The following SP4 variants were observed in gnomAD, a reference collection of about 807,000 sequenced individuals.
SP4 encodes Sp4 transcription factor.
Under a neutral mutation model 72.8 loss-of-function variants are expected in SP4, and 19 were observed. The ratio of observed to expected loss-of-function variants is 0.26; its 90% CI spans 0.18 to 0.38. The LOEUF is 0.38. Ranked by LOEUF, SP4 falls within the 10% of genes least tolerant of loss-of-function variation. The probability of loss-of-function intolerance (pLI) is 1.00; values close to 1 mark genes in which losing one functional copy is unlikely to be tolerated. For synonymous variants in SP4, 395 were observed against 333.1 expected, an observed-to-expected ratio of 1.19 and a Z score of -2.02; for missense variants, 1,008 against 926.3, an observed-to-expected ratio of 1.09 and a Z score of -1.14.
intron 3 of SP4, among the ~76,000 whole-genome samples, chr7:21,470,162 G>A (rs187575961): frequency 3.3e-5 from 5 of 152,254 alleles, no homozygotes; most frequent in African/African-American, 9.6e-5. Context: ...GCCGAGTTTC[G>A]TAAGAAAGCT....
chr7:21,502,040 A>ACCCCCCCCCCCCCCCC (rs55723306), intron 5 of SP4, among the ~76,000 whole-genome samples: 1 of 72,280 alleles, frequency 1.4e-5, no homozygotes, highest in African/African-American at 6.3e-5. Context: ...TTCATTAGGC[A>ACCCCCCCCCCCCCCCC]CCCCCCCCCC....
chr7:21,458,615 C>T (rs1415340866), intron 3 of SP4, among the ~76,000 whole-genome samples: 2 of 152,086 alleles, frequency 1.3e-5, no homozygotes, highest in Non-Finnish European at 2.9e-5. Flanking sequence ...CATTTGTGTC[C>T]AAGAAAATTA....
At chr7:21,442,986 T>G (rs1453784950) in intron 3 of SP4, among the ~76,000 whole-genome samples, 1 of 152,226 alleles carries the variant, frequency 6.6e-6, no homozygotes, top group Non-Finnish European at 1.5e-5. Context: ...TCCACCCACC[T>G]TGGCCTCCCA....
chr7:21,445,351 C>T (rs1783387876), intron 3 of SP4, among the ~76,000 whole-genome samples: 1 of 152,076 alleles, frequency 6.6e-6, no homozygotes, highest in Non-Finnish European at 1.5e-5. Context: ...AAGGAAATAA[C>T]ATTAAGAAAA....
chr7:21,428,631 C>A, intron 1 of SP4, 46 bp from the exon 2 acceptor site: 1 of 1,502,648 alleles, frequency 6.7e-7, no homozygotes, highest in Non-Finnish European at 9.0e-7. Flanking sequence ...AATAATAATC[C>A]TAATAACCTG....
At chr7:21,467,659 G>T (rs937099933) in intron 3 of SP4, among the ~76,000 whole-genome samples, 1 of 152,134 alleles carries the variant, frequency 6.6e-6, no homozygotes, top group South Asian at 2.1e-4. Context: ...TATTTGCAAT[G>T]TTAGGAGACA....
chr7:21,441,163 G>A (rs1783233515), intron 3 of SP4, among the ~76,000 whole-genome samples: 1 of 152,190 alleles, frequency 6.6e-6, no homozygotes, highest in South Asian at 2.1e-4. Context: ...TTTTTCTGGT[G>A]GAGATAGGAC....
intron 5 of SP4, among the ~76,000 whole-genome samples, chr7:21,494,953 C>T (rs1209501330): frequency 6.6e-6 from 1 of 152,058 alleles, no homozygotes; most frequent in Admixed American, 6.5e-5. Context: ...TCCAGAAATT[C>T]CCCTCCACAC....
Position 21,430,841 on chromosome 7 carries a change from C to T in SP4, c.1676C>T (p.Ala559Val). 1 of 1,601,940 alleles carries T rather than the reference C, an allele frequency of 6.2e-7. No homozygotes were observed. The highest frequency in any genetic ancestry group is 8.5e-7 in the Non-Finnish European group (1 of 1,171,802). Residue 559 changes from alanine (A) to valine (V), a missense_variant and splice_region_variant, in exon 3 of 6, where the codon GCA becomes GTA. By Grantham distance (64) the Ala-to-Val change is moderately conservative. Coordinates refer to ENST00000222584, the MANE Select transcript of SP4 (RefSeq NM_003112.5). ...GTTCCCGTTACAATCACTAGTGTTG[C>T]AGGTAAGTTCTGACATCTTTTTAAG... ...QGVPVTITSV[A>V]GQQQGQDGVK...
At chr7:21,485,112 C>T (rs1447240294) in intron 5 of SP4, among the ~76,000 whole-genome samples, 1 of 151,532 alleles carries the variant, frequency 6.6e-6, no homozygotes, top group African/African-American at 2.4e-5. Flanking sequence ...CAGAGTAACT[C>T]CTGTTTGTTA....
intron 3 of SP4, among the ~76,000 whole-genome samples, chr7:21,463,377 C>G (rs187653579): frequency 4.6e-5 from 7 of 152,166 alleles, no homozygotes; most frequent in Non-Finnish European, 1.0e-4. Context: ...ACAGTGATGG[C>G]TCAGGTAATG....
In SP4 at chr7:21,428,234, TTGTCC is replaced by T; in HGVS notation, c.-14_-10del. ...TATCCCAGTGTCTCCGTCTGAGGGT[TTGTCC>T]TGTTAATGCGGGATGAGCGGTACGT... On this transcript the variant is annotated 5_prime_UTR_variant, in exon 1 of 6. Coordinates refer to ENST00000222584, the MANE Select transcript of SP4 (RefSeq NM_003112.5). 8.0e-7 allele frequency: 1 copy of T among 1,252,748 alleles called. No individual in the cohort carries two copies. The highest frequency in any genetic ancestry group is 1.6e-5 in the African/African-American group (1 of 60,678). 77.6% of individuals were successfully genotyped at this position (1,252,748 alleles called of 1,614,324 possible).
chr7:21,463,300 A>G (rs1352323223), intron 3 of SP4, among the ~76,000 whole-genome samples: 1 of 152,172 alleles, frequency 6.6e-6, no homozygotes, highest in Non-Finnish European at 1.5e-5. Flanking sequence ...AGAGGGAAAA[A>G]AATTGGAACA....
chr7:21,495,093 C>T (rs1178747979), intron 5 of SP4, among the ~76,000 whole-genome samples: 1 of 152,154 alleles, frequency 6.6e-6, no homozygotes, highest in African/African-American at 2.4e-5. Context: ...CCAAGTGATT[C>T]AGAGACTTAA....
At chr7:21,463,172 A>C (rs1347721074) in intron 3 of SP4, among the ~76,000 whole-genome samples, 1 of 151,954 alleles carries the variant, frequency 6.6e-6, no homozygotes, top group East Asian at 1.9e-4. Context: ...AGAACCAGTC[A>C]GATGCTGATA....
At position 21,428,251 on chromosome 7, in the gene SP4, G is replaced by C; in HGVS notation, c.-1G>C. 1 of 1,527,154 alleles carries C rather than the reference G, an allele frequency of 6.5e-7. No homozygotes were observed. Among genetic ancestry groups the C allele is most frequent in the Non-Finnish European group, 8.9e-7 (1 of 1,124,138 alleles). 94.6% of individuals were successfully genotyped at this position (1,527,154 alleles called of 1,614,324 possible). A position where few individuals can be genotyped will look rare whatever the true frequency, so the allele number is the denominator to read the frequency against. On this transcript the variant is annotated 5_prime_UTR_variant, in exon 1 of 6. Coordinates refer to ENST00000222584, the MANE Select transcript of SP4 (RefSeq NM_003112.5). ...CTGAGGGTTTGTCCTGTTAATGCGGGATGAGCGGTACGTATTCTCCACCCC... is the reference window on the plus strand; with the variant it reads ...CTGAGGGTTTGTCCTGTTAATGCGGCATGAGCGGTACGTATTCTCCACCCC...
At chr7:21,444,890 T>C (rs972701260) in intron 3 of SP4, among the ~76,000 whole-genome samples, 6 of 152,200 alleles carry the variant, frequency 3.9e-5, no homozygotes, top group Non-Finnish European at 7.4e-5. Flanking sequence ...AAGTATTTTA[T>C]TGTAATTACT....
At chr7:21,503,792 A>G (rs560858009) in intron 5 of SP4, among the ~76,000 whole-genome samples, 1 of 152,288 alleles carries the variant, frequency 6.6e-6, no homozygotes, top group South Asian at 2.1e-4. Flanking sequence ...CCTGTTTTCT[A>G]ATCACCTTTT....
intron 3 of SP4, among the ~76,000 whole-genome samples, chr7:21,461,706 G>T (rs1583408440): frequency 6.6e-6 from 1 of 152,220 alleles, no homozygotes. Context: ...TGCAGCGGTG[G>T]GCTGAAGGGC....
Sources: allele counts gnomAD v4.1 joint callset (sites outside exome capture counted in the v4.1 genomes callset), GRCh38; gene constraint gnomAD v4.1.1; transcripts MANE v1.5; gene names NCBI Gene and HGNC (gene_info 2026-07-23, HGNC 2026-07-21).